MOK: variants seen among roughly 807,000 people sequenced by gnomAD.
MOK encodes MAPK/MAK/MRK overlapping kinase.
MOK carries 59 observed loss-of-function variants against 54.2 expected under a neutral mutation model. The ratio of observed to expected loss-of-function variants is 1.09; its 90% CI spans 0.88 to 1.35. The LOEUF (loss-of-function observed/expected upper bound fraction) is 1.35. Ranked by LOEUF, MOK falls within the 40% of genes most tolerant of loss-of-function variation. The pLI is 0.00. For missense variants in MOK, 517 were observed against 526.2 expected (o/e 0.98, Z 0.17); for synonymous variants, 210 against 202.7 (o/e 1.04, Z -0.31).
At chr14:102,276,541 G>A (rs772566773) in intron 2 of MOK, among the ~76,000 whole-genome samples, 1 of 151,698 alleles carries the variant, frequency 6.6e-6, no homozygotes, top group East Asian at 1.9e-4. Context: ...TTTGAGAAAA[G>A]GCTTGTCAGT....
chr14:102,251,048 A>C, intron 6 of MOK, 58 bp from the exon 7 acceptor site: 1 of 1,536,608 alleles, frequency 6.5e-7, no homozygotes, highest in South Asian at 1.2e-5. Context: ...ATCATAATAC[A>C]AACCACTCCA....
rs150873112 is a variant in MOK, at chr14:102,298,706, G to A, written c.7+6256C>T. Among the ~76,000 whole-genome samples, 714 of 152,278 alleles carry A rather than the reference G, an allele frequency of 4.7e-3. 15 individuals are homozygous for A. Among genetic ancestry groups the A allele is most frequent in the Admixed American group, 0.03 (464 of 15,294 alleles). On this transcript the variant is annotated intron_variant, in intron 1 of 11. Coordinates refer to ENST00000361847, the MANE Select transcript of MOK (RefSeq NM_014226.3). ...AAAGCAGGCTGCCCAAGCCAGCAGT[G>A]GCAACATGCTCCAGTCCCCTTCCAC...
At chr14:102,302,941 C>A (rs945796733) in intron 1 of MOK, among the ~76,000 whole-genome samples, 1 of 151,136 alleles carries the variant, frequency 6.6e-6, no homozygotes, top group Non-Finnish European at 1.5e-5. Context: ...GCGGGTGGAT[C>A]GCTTGACGTC....
intron 4 of MOK, among the ~76,000 whole-genome samples, chr14:102,262,803 A>C (rs948764504): frequency 1.3e-5 from 2 of 152,262 alleles, no homozygotes; most frequent in Non-Finnish European, 2.9e-5. Context: ...CTCATGTGAC[A>C]GTAGGACAGT....
Position 102,231,995 on chromosome 14 carries a change from C to G in MOK, c.867-174G>C. On this transcript the variant is annotated intron_variant, in intron 9 of 11. Transcript: ENST00000361847. This position sits in a 1 kb window ranked among gnomAD's most constrained non-coding sequence, Gnocchi z 4.4. ...TTCTTTTCTGTCTCAGCCTGACAGT[C>G]TCTGGGCCAGGAACAGAGCTGGCTC... The G allele has an allele frequency of 1.8e-6, 1 of 545,590 alleles. No homozygotes were observed. The highest frequency in any genetic ancestry group is 3.2e-6 in the Non-Finnish European group (1 of 310,174). The allele number at this position is 545,590 out of a possible 1,614,324, so 33.8% of individuals were successfully genotyped here.
chr14:102,290,380 C>T (rs1049998632), intron 1 of MOK, among the ~76,000 whole-genome samples: 6 of 151,270 alleles, frequency 4.0e-5, no homozygotes, highest in Admixed American at 6.6e-5. Flanking sequence ...GAGGAGGTTG[C>T]GGTGAGCCGA....
downstream of MOK, among the ~76,000 whole-genome samples, chr14:102,227,039 GC>G (rs891245250): frequency 6.6e-6 from 1 of 152,138 alleles, no homozygotes; most frequent in Non-Finnish European, 1.5e-5. Context: ...CCTCCAGAGG[GC>G]CCCCAGCCCC....
At chr14:102,264,361 G>A (rs1597433804) in intron 3 of MOK, 1 of 152,260 alleles carries the variant, frequency 6.6e-6, no homozygotes, top group Non-Finnish European at 1.5e-5. Flanking sequence ...AGGGGAAAAA[G>A]AGAAAAACGA....
rs533094963 is a variant in MOK at position 102,237,093 on chromosome 14, G to A, written c.591-3304C>T. Among the ~76,000 whole-genome samples the A allele has an allele frequency of 5.3e-5, 8 of 152,214 alleles. No individual in the cohort carries two copies. The South Asian group carries it at 1.7e-3, about 32-fold the overall frequency. ...AAACCTCTTTGCTTTCACCTGGACC[G>A]ACCTTGACACCCTCCAGTCACAACA... On this transcript the variant is annotated intron_variant, in intron 7 of 11. Transcript: ENST00000361847.
In MOK at chr14:102,287,953, G is replaced by A. The variant is rs914809498; in HGVS notation, c.8-4361C>T. Among the ~76,000 whole-genome samples, 5 of 150,930 alleles carry A rather than the reference G, an allele frequency of 3.3e-5. 1 individual carries two copies. Among genetic ancestry groups the A allele is most frequent in the African/African-American group, 1.2e-4 (5 of 40,766 alleles). ...GGGTTCACGCCATTCTCCTGCCTCA[G>A]CCTCCCGAGTAGCTGGGATTACAGG... On this transcript the variant is annotated intron_variant, in intron 1 of 11. Coordinates refer to ENST00000361847, the MANE Select transcript of MOK (RefSeq NM_014226.3).
chr14:102,248,113 G>A (rs1372052564), intron 7 of MOK, among the ~76,000 whole-genome samples: 1 of 152,282 alleles, frequency 6.6e-6, no homozygotes, highest in African/African-American at 2.4e-5. Context: ...GTGGCCAGAC[G>A]CCAACGGCGC....
At chr14:102,285,348 C>T (rs991222970) in intron 1 of MOK, among the ~76,000 whole-genome samples, 22 of 152,186 alleles carry the variant, frequency 1.4e-4, no homozygotes, top group Admixed American at 4.6e-4. Context: ...TCCCAAGTGG[C>T]TAGCATGAGC....
rs770532539 is a variant in MOK at position 102,232,593 on chromosome 14, G to A, written c.808C>T (p.Pro270Ser). 1.2e-6 allele frequency: 2 copies of A among 1,614,060 alleles called. No individual in the cohort carries two copies. The highest frequency in any genetic ancestry group is 1.7e-6 in the Non-Finnish European group (2 of 1,179,952). Reference sequence around the variant, plus strand: ...TGGTGGGCGGCGATTCTCTCATCGGGATCATAGGCCACCATTGCGTGCAGG... The same window carrying A: ...TGGTGGGCGGCGATTCTCTCATCGGAATCATAGGCCACCATTGCGTGCAGG... ...SLLHAMVAYD[P>S]DERIAAHQAL... Residue 270 changes from proline (P) to serine (S), a missense_variant, in exon 9 of 12, where the codon CCC becomes TCC. Coordinates refer to ENST00000361847, the MANE Select transcript of MOK (RefSeq NM_014226.3). This position sits in a 1 kb window ranked among gnomAD's most constrained non-coding sequence, Gnocchi z 5.1.
intron 2 of MOK, chr14:102,282,989 G>A (rs1438217650): frequency 6.7e-6 from 1 of 148,996 alleles, no homozygotes; most frequent in Non-Finnish European, 1.5e-5. Context: ...GGGTGGCGGA[G>A]GTTGCAATGA....
chr14:102,279,675 A>G (rs1439978612), intron 2 of MOK, among the ~76,000 whole-genome samples: 1 of 152,134 alleles, frequency 6.6e-6, no homozygotes, highest in Non-Finnish European at 1.5e-5. Flanking sequence ...ATATACCAGA[A>G]AAGATACAAA....
chr14:102,225,085 A>C (rs1191500957), downstream of MOK: 1 of 304,814 alleles, frequency 3.3e-6, no homozygotes, highest in Non-Finnish European at 6.3e-6. Context: ...TGTTTAAGAC[A>C]GAGTCTTACC....
chr14:102,216,790 C>T, the MOK span, among the ~76,000 whole-genome samples: 7 of 152,164 alleles, frequency 4.6e-5, no homozygotes, highest in Middle Eastern at 0.01. Flanking sequence ...ATTAGCCGGG[C>T]GTGGTGGCGG....
chr14:102,228,355 G>A (rs1234212287), downstream of MOK, among the ~76,000 whole-genome samples: 2 of 152,246 alleles, frequency 1.3e-5, no homozygotes, highest in Admixed American at 6.5e-5. Context: ...AGGGCTCCGA[G>A]GACACGCCTG....
At chr14:102,274,641 T>C (rs906490988) in intron 2 of MOK, among the ~76,000 whole-genome samples, 3 of 151,802 alleles carry the variant, frequency 2.0e-5, no homozygotes, top group African/African-American at 7.3e-5. Flanking sequence ...AAAATGTATG[T>C]GGATGTACAG....
Sources: gnomAD v4.1 joint callset for allele counts (sites outside exome capture counted in the v4.1 genomes callset) on GRCh38, gnomAD v4.1.1 for gene constraint, Gnocchi (gnomAD v3.1) non-coding constraint, MANE v1.5 for transcripts, NCBI Gene and HGNC (gene_info 2026-07-23, HGNC 2026-07-21) for gene names.